The following CYP39A1 variants were observed in gnomAD, a reference collection of about 807,000 sequenced individuals.
CYP39A1 encodes 24-hydroxycholesterol 7-alpha-hydroxylase.
CYP39A1 carries 49 observed loss-of-function variants against 58.1 expected under a neutral mutation model. That is an observed-to-expected ratio of 0.84 (90% confidence interval 0.67 to 1.07). The LOEUF is 1.07. Ranked by LOEUF, CYP39A1 falls within the 50% of genes least tolerant of loss-of-function variation. The probability of loss-of-function intolerance (pLI) is 0.00; values close to 1 mark genes in which losing one functional copy is unlikely to be tolerated. For missense variants in CYP39A1, 531 were observed against 539.4 expected (o/e 0.98, Z 0.16); for synonymous variants, 209 against 187.6 (o/e 1.11, Z -0.93).
At chr6:46,587,510 C>T (rs1034633171) in intron 9 of CYP39A1, among the ~76,000 whole-genome samples, 1 of 152,136 alleles carries the variant, frequency 6.6e-6, no homozygotes, top group Non-Finnish European at 1.5e-5. Context: ...AAGACACTGA[C>T]ATCCCTGCCT....
chr6:46,600,659 A>G (rs1582373944), intron 7 of CYP39A1, among the ~76,000 whole-genome samples: 1 of 152,110 alleles, frequency 6.6e-6, no homozygotes, highest in South Asian at 2.1e-4. Context: ...GGGTTCAAAG[A>G]GCTTCTGGGT....
chr6:46,606,163 C>T (rs138100784), intron 7 of CYP39A1, among the ~76,000 whole-genome samples: 13 of 152,060 alleles, frequency 8.5e-5, no homozygotes, highest in South Asian at 2.1e-4. Context: ...AAGGGTAAAA[C>T]GTTCTATATT....
At chr6:46,590,599 G>T (rs1450545309) in intron 8 of CYP39A1, among the ~76,000 whole-genome samples, 1 of 152,064 alleles carries the variant, frequency 6.6e-6, no homozygotes, top group East Asian at 1.9e-4. Flanking sequence ...TCTTTTGTAT[G>T]ATAAAAACTT....
intron 5 of CYP39A1, among the ~76,000 whole-genome samples, chr6:46,636,141 T>C (rs559069040): frequency 6.6e-6 from 1 of 152,170 alleles, no homozygotes; most frequent in Non-Finnish European, 1.5e-5. Flanking sequence ...CAGAAATCAA[T>C]ACGGAACATC....
At chr6:46,611,568 T>C (rs959949380) in intron 7 of CYP39A1, among the ~76,000 whole-genome samples, 1 of 152,134 alleles carries the variant, frequency 6.6e-6, no homozygotes, top group Non-Finnish European at 1.5e-5. Context: ...CTCTGAAAAA[T>C]AATATTTGGT....
intron 7 of CYP39A1, among the ~76,000 whole-genome samples, chr6:46,624,767 T>C (rs1775199706): frequency 6.6e-6 from 1 of 152,178 alleles, no homozygotes; most frequent in African/African-American, 2.4e-5. Context: ...GGTCAAATTA[T>C]GCTGAATAAA....
chr6:46,595,883 A>G, intron 8 of CYP39A1, 104 bp downstream of exon 8: 1 of 1,079,898 alleles, frequency 9.3e-7, no homozygotes, highest in South Asian at 1.5e-5. Context: ...TTTATTTGTC[A>G]AGTAAAAATA....
intron 3 of CYP39A1, among the ~76,000 whole-genome samples, chr6:46,639,155 G>A (rs1776172901): frequency 6.6e-6 from 1 of 152,066 alleles, no homozygotes; most frequent in African/African-American, 2.4e-5. Context: ...AATTCTACAG[G>A]AAGTATGAAA....
chr6:46,564,190 AT>A (rs1372415991), intron 10 of CYP39A1, among the ~76,000 whole-genome samples: 2 of 140,412 alleles, frequency 1.4e-5, no homozygotes, highest in Non-Finnish European at 3.0e-5. Flanking sequence ...ATTCTATTTT[AT>A]TTTATTTTAT....
intron 10 of CYP39A1, among the ~76,000 whole-genome samples, chr6:46,563,115 CA>C (rs59793245): frequency 0.032 from 4,009 of 124,350 alleles, 54 homozygotes; most frequent in African/African-American, 0.052. Context: ...TTTACAGTGG[CA>C]AAAAAAAAAA....
At chr6:46,587,984 A>G (rs1772570991) in intron 9 of CYP39A1, 50 bp downstream of exon 9, 3 of 1,135,458 alleles carry the variant, frequency 2.6e-6, no homozygotes, top group East Asian at 5.4e-5. Flanking sequence ...CTTCTGAAAT[A>G]AAAAGAAATT....
intron 4 of CYP39A1, among the ~76,000 whole-genome samples, chr6:46,637,362 G>A (rs926522875): frequency 2.0e-5 from 3 of 152,202 alleles, no homozygotes; most frequent in African/African-American, 7.2e-5. Context: ...CCACTGCCAA[G>A]AAATTTCAAA....
intron 10 of CYP39A1, among the ~76,000 whole-genome samples, chr6:46,586,800 G>A (rs1030876958): frequency 2.6e-5 from 4 of 152,084 alleles, no homozygotes; most frequent in African/African-American, 9.7e-5. Context: ...AATTATGTTT[G>A]TGTGAAAGCT....
intron 7 of CYP39A1, among the ~76,000 whole-genome samples, chr6:46,617,410 G>A (rs142251272): frequency 3.4e-4 from 51 of 152,166 alleles, no homozygotes; most frequent in African/African-American, 1.1e-3. Flanking sequence ...GCATGCAAAA[G>A]TGGGTCAAAC....
At chr6:46,583,505 A>G in intron 10 of CYP39A1, 1 of 985,266 alleles carries the variant, frequency 1.0e-6, no homozygotes, top group Non-Finnish European at 1.2e-6. Flanking sequence ...TGTCTGCTAT[A>G]ATGAGACTCT....
At position 46,596,258 on chromosome 6, in the gene CYP39A1, T is replaced by G. The variant is rs1773153735; in HGVS notation, c.932-138A>C. 8 of 564,986 alleles carry G rather than the reference T, an allele frequency of 1.4e-5. No individual in the cohort carries two copies. The East Asian group carries it at 2.5e-4, about 18-fold the overall frequency. The allele number at this position is 564,986 out of a possible 1,614,324, so 35.0% of individuals were successfully genotyped here. ...CTATTACTATTACCTATTACAGGTT[T>G]AGTCATTAATTGCCTCTTTTTCTTT... On this transcript the variant is annotated intron_variant, in intron 7 of 11. Transcript: ENST00000275016.
intron 10 of CYP39A1, among the ~76,000 whole-genome samples, chr6:46,565,771 A>G (rs1771242522): frequency 6.6e-6 from 1 of 152,126 alleles, no homozygotes; most frequent in Non-Finnish European, 1.5e-5. Context: ...CACTGTCATC[A>G]CCCATGGCAG....
At position 46,550,069 on chromosome 6, in the gene CYP39A1, T is replaced by C; in HGVS notation, c.*297A>G. The C allele has an allele frequency of 3.9e-6, 1 of 254,742 alleles. No homozygotes were observed. Among genetic ancestry groups the C allele is most frequent in the Non-Finnish European group, 7.4e-6 (1 of 135,982 alleles). The allele number at this position is 254,742 out of a possible 1,614,324, so 15.8% of individuals were successfully genotyped here. A position where few individuals can be genotyped will look rare whatever the true frequency, so the allele number is the denominator to read the frequency against. On this transcript the variant is annotated 3_prime_UTR_variant, in exon 12 of 12. Transcript: ENST00000275016. The stretch of plus-strand genomic sequence containing the variant: ...ATGACATTATTTCTATTTAATGTTT[T>C]AATACAGTTATGCATGAAATCAAAT...
chr6:46,630,935 G>A (rs1410847591), intron 6 of CYP39A1, 28 bp downstream of exon 6: 4 of 1,495,398 alleles, frequency 2.7e-6, no homozygotes, highest in East Asian at 2.3e-5. Flanking sequence ...GGAGAGCAAC[G>A]TAACTCATAC....
Sources: gnomAD v4.1 joint callset for allele counts (sites outside exome capture counted in the v4.1 genomes callset) on GRCh38, gnomAD v4.1.1 for gene constraint, MANE v1.5 for transcripts, NCBI Gene and HGNC (gene_info 2026-07-23, HGNC 2026-07-21) for gene names.